Variants in CENPC observed in about 807,000 individuals in gnomAD.
The protein encoded by CENPC is centromere protein C.
CENPC carries 63 observed loss-of-function variants against 112.1 expected under a neutral mutation model. That is an observed-to-expected ratio of 0.56 (90% confidence interval 0.46 to 0.69). CENPC has a LOEUF of 0.69. Ranked by LOEUF, CENPC falls within the 30% of genes least tolerant of loss-of-function variation. CENPC has a pLI of 0.00. For missense variants in CENPC, 1,000 were observed against 1,103.8 expected, an observed-to-expected ratio of 0.91 and a Z score of 1.33; for synonymous variants, 333 against 367.6, an observed-to-expected ratio of 0.91 and a Z score of 1.08.
At chr4:67,529,007 T>A (rs376920990) in intron 5 of CENPC, among the ~76,000 whole-genome samples, 6 of 152,328 alleles carry the variant, frequency 3.9e-5, no homozygotes, top group East Asian at 1.9e-4. Flanking sequence ...AAATAATAGC[T>A]AACCTAGTGA....
chr4:67,488,775 C>T lies in CENPC; in HGVS notation c.2670+1192G>A, dbSNP rs529587364. 9.0e-4 allele frequency among the ~76,000 whole-genome samples: 137 copies of T among 151,998 alleles called. 1 individual carries two copies. Among genetic ancestry groups the T allele is most frequent in the Non-Finnish European group, 1.4e-3 (94 of 67,836 alleles). The stretch of plus-strand genomic sequence containing the variant: ...GTGTTATTTTCACTCATAATAATAA[C>T]TGGAGGCCTATAACATTTTCAGTTT... On this transcript the variant is annotated intron_variant, in intron 17 of 18. Coordinates refer to ENST00000273853, the MANE Select transcript of CENPC (RefSeq NM_001812.4).
Position 67,491,480 on chromosome 4 carries a change from T to TAGAGAGAGAGAGAGAG in CENPC, c.2515+684_2515+699dup, listed in dbSNP as rs71219046. Among the ~76,000 whole-genome samples the TAGAGAGAGAGAGAGAG allele has an allele frequency of 1.8e-3, 32 of 18,098 alleles. 2 individuals carry two copies. Among genetic ancestry groups the TAGAGAGAGAGAGAGAG allele is most frequent in the Non-Finnish European group, 2.1e-3 (20 of 9,596 alleles). The allele number at this position is 18,098 out of a possible 152,430, so 11.9% of individuals were successfully genotyped here. A position where few individuals can be genotyped will look rare whatever the true frequency, so the allele number is the denominator to read the frequency against. On this transcript the variant is annotated intron_variant, in intron 16 of 18. Transcript: ENST00000273853. Reference sequence around the variant, plus strand: ...ATATATATATATATATATATATATATAGAGAGAGAGAGAGAGAGAGAGAGA... The same window carrying TAGAGAGAGAGAGAGAG: ...ATATATATATATATATATATATATATAGAGAGAGAGAGAGAGAGAGAGAGAGAGAGAGAGAGAGAGA...
intron 17 of CENPC, among the ~76,000 whole-genome samples, chr4:67,483,176 A>G (rs1278629124): frequency 6.6e-6 from 1 of 152,092 alleles, no homozygotes; most frequent in Non-Finnish European, 1.5e-5. Flanking sequence ...CTTTCCTTTC[A>G]AAATTACCCA....
intron 17 of CENPC, among the ~76,000 whole-genome samples, chr4:67,480,544 A>G (rs978597442): frequency 1.3e-5 from 2 of 152,246 alleles, no homozygotes; most frequent in Non-Finnish European, 2.9e-5. Flanking sequence ...AAAAAAGTCC[A>G]GGACCAGATG....
chr4:67,488,616 T>A (rs1725155037), intron 17 of CENPC, among the ~76,000 whole-genome samples: 1 of 151,998 alleles, frequency 6.6e-6, no homozygotes, highest in African/African-American at 2.4e-5. Context: ...CATCTGTTAC[T>A]CAAATTTCCT....
At chr4:67,522,957 G>A (rs1003910007) in intron 5 of CENPC, among the ~76,000 whole-genome samples, 2 of 151,682 alleles carry the variant, frequency 1.3e-5, no homozygotes, top group Non-Finnish European at 2.9e-5. Flanking sequence ...CCAAGATTGT[G>A]CCATTGCACT....
At chr4:67,478,659 CACACACA>C (rs1724871817) in intron 17 of CENPC, among the ~76,000 whole-genome samples, 35 of 151,154 alleles carry the variant, frequency 2.3e-4, no homozygotes, top group Admixed American at 7.2e-4. Context: ...CACACACACA[CACACACA>C]CCCAAAGTAT....
chr4:67,504,227 T>C (rs1053582762), intron 12 of CENPC, among the ~76,000 whole-genome samples: 1 of 151,956 alleles, frequency 6.6e-6, no homozygotes, highest in East Asian at 1.9e-4. Context: ...ATCACTACAA[T>C]TTAGAGTATA....
intron 16 of CENPC, among the ~76,000 whole-genome samples, chr4:67,491,470 TATATATATATAGAGAGAGAGAG>T (rs1725264712): frequency 6.3e-5 from 3 of 47,448 alleles, no homozygotes; most frequent in Non-Finnish European, 1.3e-4. Context: ...TATATATATA[TATATATATATAGAGAGAGAGAG>T]AGAGAGAGAG....
rs180836734 is a variant in CENPC at position 67,542,484 on chromosome 4, A to T, written c.66-1434T>A. On this transcript the variant is annotated intron_variant, in intron 2 of 18. Transcript: ENST00000273853. ...TTATAACTGAAAGATCTCAGAAATCATCCAGTCCAATAATCATCATCCAAA... is the reference window on the plus strand; with the variant it reads ...TTATAACTGAAAGATCTCAGAAATCTTCCAGTCCAATAATCATCATCCAAA... 6.2e-3 allele frequency among the ~76,000 whole-genome samples: 941 copies of T among 152,312 alleles called. 4 individuals carry two copies. Among genetic ancestry groups the T allele is most frequent in the Non-Finnish European group, 0.011 (732 of 68,006 alleles).
intron 12 of CENPC, chr4:67,504,887 C>T (rs1388664549): frequency 3.8e-5 from 10 of 260,986 alleles, no homozygotes; most frequent in African/African-American, 2.2e-4. Context: ...GAACCCAATA[C>T]AACCATCAAC....
At chr4:67,472,905 A>G (rs1382119150) in intron 18 of CENPC, among the ~76,000 whole-genome samples, 2 of 152,216 alleles carry the variant, frequency 1.3e-5, no homozygotes, top group African/African-American at 4.8e-5. Flanking sequence ...CGTTATGAAA[A>G]TAAATACGGA....
intron 5 of CENPC, among the ~76,000 whole-genome samples, chr4:67,528,068 A>G (rs1726436228): frequency 6.6e-6 from 1 of 152,192 alleles, no homozygotes; most frequent in Admixed American, 6.5e-5. Flanking sequence ...AGCTGATGAC[A>G]TGGTTATATA....
chr4:67,490,861 TATATATATATATATATAGAA>T (rs1212184497), intron 16 of CENPC, among the ~76,000 whole-genome samples: 123 of 69,564 alleles, frequency 1.8e-3, no homozygotes, highest in African/African-American at 5.9e-3. Context: ...TATATATATA[TATATATATATATATATAGAA>T]ATATATAGAA....
chr4:67,499,215 C>T (rs1298138149), intron 12 of CENPC, among the ~76,000 whole-genome samples: 1 of 152,168 alleles, frequency 6.6e-6, no homozygotes, highest in African/African-American at 2.4e-5. Context: ...CTTAAAGTCA[C>T]CAGCTGTATT....
At chr4:67,505,313 A>C (rs767860654) in intron 11 of CENPC, 29 bp from the exon 12 acceptor site, 25 of 1,314,052 alleles carry the variant, frequency 1.9e-5, no homozygotes, top group Non-Finnish European at 2.5e-5. Flanking sequence ...CCACAAAATT[A>C]ATGCTTTTAT....
Position 67,545,375 on chromosome 4 carries a change from AGCGCAAC to A in CENPC, c.-27_-21del. ...AGCCATGTTCCGGCCCCGCTGAGCCAGCGCAACTGTCTGAGGTGGAAGCCCACACGGA... is the reference window on the plus strand; with the variant it reads ...AGCCATGTTCCGGCCCCGCTGAGCCATGTCTGAGGTGGAAGCCCACACGGA... On this transcript the variant is annotated 5_prime_UTR_variant, in exon 1 of 19. In the 5' UTR this introduces an upstream ATG that the reference lacks. Transcript: ENST00000273853. The A allele has an allele frequency of 6.6e-7, 1 of 1,522,110 alleles. No homozygotes were observed. The highest frequency in any genetic ancestry group is 2.6e-5 in the East Asian group (1 of 38,140). 94.3% of individuals were successfully genotyped at this position (1,522,110 alleles called of 1,614,324 possible). A position where few individuals can be genotyped will look rare whatever the true frequency, so the allele number is the denominator to read the frequency against.
At chr4:67,538,950 G>A (rs934256182) in intron 4 of CENPC, among the ~76,000 whole-genome samples, 2 of 152,122 alleles carry the variant, frequency 1.3e-5, no homozygotes, top group Non-Finnish European at 2.9e-5. Context: ...GCTTTAGCAG[G>A]AGTGTTAGCC....
Position 67,492,228 on chromosome 4 carries a change from G to A in CENPC, c.2467C>T (p.Gln823Ter), listed in dbSNP as rs1335929307. Residue 823 changes from glutamine to a stop codon, truncating the protein, a stop_gained, in exon 16 of 19, where the codon CAG becomes TAG. Coordinates refer to ENST00000273853, the MANE Select transcript of CENPC (RefSeq NM_001812.4). LOFTEE classifies it high-confidence loss of function. ...TCTGGGTCCTTTACCCTCGTTGGCT[G>A]CAAAGGATCTCCAAGAGGTATACCT... ...NLGIPLGDPL[Q>*]PTRVKDPETR... 4 of 1,569,484 alleles carry A rather than the reference G, an allele frequency of 2.5e-6. No homozygotes were observed. In the Admixed American group the frequency reaches 7.5e-5, roughly 29 times the overall value.
Sources: allele counts gnomAD v4.1 joint callset (sites outside exome capture counted in the v4.1 genomes callset), GRCh38; gene constraint gnomAD v4.1.1; transcripts MANE v1.5; gene names NCBI Gene and HGNC (gene_info 2026-07-23, HGNC 2026-07-21).